Variants in CMIP observed in about 807,000 individuals in gnomAD.
CMIP encodes the protein C-Maf-inducing protein.
A neutral mutation model predicts 97.3 loss-of-function variants in CMIP; 13 were observed. That is an observed-to-expected ratio of 0.13 (90% CI 0.09 to 0.21). The LOEUF (loss-of-function observed/expected upper bound fraction) is 0.21, where lower values mean the gene tolerates loss of function less well. CMIP is among the 10% of genes least tolerant of loss of function. The pLI, the probability that CMIP is intolerant of heterozygous loss-of-function variation, is 1.00. For missense variants in CMIP, 847 were observed against 1,024.9 expected (o/e 0.83, Z 2.37); for synonymous variants, 538 against 436.3 (o/e 1.23, Z -2.91).
intron 1 of CMIP, among the ~76,000 whole-genome samples, chr16:81,511,622 A>G (rs549741714): frequency 6.6e-6 from 1 of 152,312 alleles, no homozygotes; most frequent in Non-Finnish European, 1.5e-5. Flanking sequence ...GTACAGTTGC[A>G]TGATCGTGGC....
intron 1 of CMIP, among the ~76,000 whole-genome samples, chr16:81,459,980 C>A (rs1409346041): frequency 6.6e-6 from 1 of 152,198 alleles, no homozygotes; most frequent in African/African-American, 2.4e-5. Context: ...TTGGCCACAT[C>A]CCAGTGTCCC....
At chr16:81,701,895 AC>A in intron 16 of CMIP, 95 bp downstream of exon 16, 1 of 1,469,592 alleles carries the variant, frequency 6.8e-7, no homozygotes, top group Non-Finnish European at 9.4e-7. Flanking sequence ...ACCTGAGTGG[AC>A]CTCAATCTCG....
chr16:81,584,163 C>T (rs1352644881), intron 1 of CMIP, among the ~76,000 whole-genome samples: 1 of 152,106 alleles, frequency 6.6e-6, no homozygotes, highest in Non-Finnish European at 1.5e-5. Context: ...CCTGGGAAGA[C>T]GGCCCCTAGC....
At chr16:81,495,408 G>A (rs775970533) in intron 1 of CMIP, 51 of 1,578,368 alleles carry the variant, frequency 3.2e-5, no homozygotes, top group Non-Finnish European at 4.3e-5. Flanking sequence ...AAACCAAGCC[G>A]GCCGGGCTGC....
Position 81,652,540 on chromosome 16 carries a change from C to G in CMIP, c.639+176C>G, listed in dbSNP as rs2092440224. 6.6e-6 allele frequency among the ~76,000 whole-genome samples: 1 copy of G among 152,154 alleles called. No homozygotes were observed. Among genetic ancestry groups the G allele is most frequent in the East Asian group, 1.9e-4 (1 of 5,182 alleles). ...GTGTGTGGGAGTTGGGAGAGGGAGGCTTGCCCCAGCTGCTTGCAGCTGTGC... is the reference window on the plus strand; with the variant it reads ...GTGTGTGGGAGTTGGGAGAGGGAGGGTTGCCCCAGCTGCTTGCAGCTGTGC... On this transcript the variant is annotated intron_variant, in intron 4 of 20. Transcript: ENST00000537098. This position sits in a 1 kb window ranked among gnomAD's most constrained non-coding sequence, Gnocchi z 5.2.
chr16:81,700,342 A>G (rs1338584602), intron 15 of CMIP, among the ~76,000 whole-genome samples: 2 of 151,614 alleles, frequency 1.3e-5, no homozygotes, highest in Non-Finnish European at 2.9e-5. Context: ...GTCACCCCTC[A>G]CCTGCTGCTG....
At position 81,614,449 on chromosome 16, in the gene CMIP, C is replaced by G. The variant is rs1345443458; in HGVS notation, c.427-6427C>G. Among the ~76,000 whole-genome samples, 2 of 152,208 alleles carry G rather than the reference C, an allele frequency of 1.3e-5. No homozygotes were observed. Among genetic ancestry groups the G allele is most frequent in the Non-Finnish European group, 2.9e-5 (2 of 68,044 alleles). On this transcript the variant is annotated intron_variant, in intron 2 of 20. Transcript: ENST00000537098. This position sits in a 1 kb window ranked among gnomAD's most constrained non-coding sequence, Gnocchi z 5.3. Reference sequence around the variant, plus strand: ...TCAGCTCGTTGCATTGGCCTGTGTGCTTGCCAGGAGCCCGGAGGGAAGAGA... The same window carrying G: ...TCAGCTCGTTGCATTGGCCTGTGTGGTTGCCAGGAGCCCGGAGGGAAGAGA...
chr16:81,670,098 C>T (rs754900389), intron 7 of CMIP, 44 bp from the exon 8 acceptor site: 9 of 1,563,294 alleles, frequency 5.8e-6, no homozygotes, highest in Non-Finnish European at 6.9e-6. Flanking sequence ...GGCTCCTGCC[C>T]TGCCTAGCAC....
chr16:81,469,706 G>T (rs1377489138), intron 1 of CMIP, among the ~76,000 whole-genome samples: 1 of 152,118 alleles, frequency 6.6e-6, no homozygotes. Context: ...TGTGACATTG[G>T]GCAAGTTAGT....
At chr16:81,466,011 C>T (rs1037425235) in intron 1 of CMIP, among the ~76,000 whole-genome samples, 1 of 151,712 alleles carries the variant, frequency 6.6e-6, no homozygotes, top group African/African-American at 2.4e-5. Context: ...CTTGTCCTTT[C>T]CTTTTTCTTT....
chr16:81,672,619 G>A (rs796065788), intron 9 of CMIP, among the ~76,000 whole-genome samples: 33 of 152,238 alleles, frequency 2.2e-4, no homozygotes, highest in African/African-American at 7.9e-4. Context: ...CACTTAGGTT[G>A]TGCGGCAATA....
chr16:81,467,502 G>T (rs1907274957), intron 1 of CMIP, among the ~76,000 whole-genome samples: 3 of 151,994 alleles, frequency 2.0e-5, no homozygotes, highest in Admixed American at 6.5e-5. Flanking sequence ...CCCAGGTTTG[G>T]TCTGGAAAAA....
At position 81,566,218 on chromosome 16, in the gene CMIP, G is replaced by A. The variant is rs184132488; in HGVS notation, c.301-41349G>A. On this transcript the variant is annotated intron_variant, in intron 1 of 20. Transcript: ENST00000537098. Reference sequence around the variant, plus strand: ...GTGGCTGGATGAGTTGTGGCTTCCAGATAAAATTATGTGCTTGGGGTTTAG... The same window carrying A: ...GTGGCTGGATGAGTTGTGGCTTCCAAATAAAATTATGTGCTTGGGGTTTAG... 9.8e-4 allele frequency among the ~76,000 whole-genome samples: 150 copies of A among 152,360 alleles called. 2 individuals are homozygous for A. The highest frequency in any genetic ancestry group is 3.9e-3 in the Admixed American group (60 of 15,308).
In CMIP at chr16:81,468,027, C is replaced by T. The variant is rs78505238; in HGVS notation, c.300+22486C>T. On this transcript the variant is annotated intron_variant, in intron 1 of 20. Transcript: ENST00000537098. The stretch of plus-strand genomic sequence containing the variant: ...CCAGCCTCCCCAGTAGCTGGGATCA[C>T]AGGAGTGCACCACCATGCCCGGCCC... 3.4e-3 allele frequency among the ~76,000 whole-genome samples: 511 copies of T among 152,168 alleles called. 1 individual carries two copies. The highest frequency in any genetic ancestry group is 5.5e-3 in the Non-Finnish European group (372 of 68,012).
At chr16:81,581,539 G>T (rs1251453823) in intron 1 of CMIP, among the ~76,000 whole-genome samples, 1 of 152,196 alleles carries the variant, frequency 6.6e-6, no homozygotes, top group Non-Finnish European at 1.5e-5. Context: ...TAATCTTATG[G>T]AACCGCAGTC....
chr16:81,609,332 G>A (rs576108041), intron 2 of CMIP, among the ~76,000 whole-genome samples: 1 of 152,326 alleles, frequency 6.6e-6, no homozygotes, highest in South Asian at 2.1e-4. Context: ...TCCGATGGCT[G>A]CAGCACAGAG....
chr16:81,596,939 C>T (rs1419142704), intron 1 of CMIP, among the ~76,000 whole-genome samples: 2 of 152,228 alleles, frequency 1.3e-5, no homozygotes, highest in Admixed American at 6.5e-5. Context: ...GTTGCTTTTG[C>T]TCCATGCTCA....
At chr16:81,564,900 C>G (rs761193595) in intron 1 of CMIP, among the ~76,000 whole-genome samples, 1 of 151,914 alleles carries the variant, frequency 6.6e-6, no homozygotes, top group Non-Finnish European at 1.5e-5. Context: ...AGAAGGCATC[C>G]TTGGAATGAG....
At chr16:81,692,674 C>G (rs1906230925) in intron 11 of CMIP, among the ~76,000 whole-genome samples, 1 of 152,242 alleles carries the variant, frequency 6.6e-6, no homozygotes, top group African/African-American at 2.4e-5. Flanking sequence ...CTAAGAGGCG[C>G]TCAGTCTCAG....
Sources: allele counts gnomAD v4.1 joint callset (sites outside exome capture counted in the v4.1 genomes callset), GRCh38; gene constraint gnomAD v4.1.1; non-coding constraint Gnocchi (gnomAD v3.1); transcripts MANE v1.5; gene names NCBI Gene and HGNC (gene_info 2026-07-23, HGNC 2026-07-21).